PTPRD: variants seen among roughly 807,000 people sequenced by gnomAD.
The protein encoded by PTPRD is receptor-type tyrosine-protein phosphatase delta.
PTPRD carries 34 observed loss-of-function variants against 214.5 expected under a neutral mutation model. The ratio of observed to expected loss-of-function variants is 0.16; its 90% CI spans 0.12 to 0.21. The LOEUF (loss-of-function observed/expected upper bound fraction) is 0.21, where lower values mean the gene tolerates loss of function less well. Among genes scored for constraint, PTPRD ranks in the 10% least tolerant of loss-of-function variants. The pLI is 1.00. For missense variants in PTPRD, 2,545 were observed against 2,398.7 expected, an observed-to-expected ratio of 1.06 and a Z score of -1.27; for synonymous variants, 1,128 against 845.7, an observed-to-expected ratio of 1.33 and a Z score of -5.79.
intron 7 of PTPRD, among the ~76,000 whole-genome samples, chr9:9,626,824 C>A (rs10977885): frequency 0.18 from 27,885 of 152,122 alleles, 3,975 homozygotes; most frequent in African/African-American, 0.4. Flanking sequence ...AGACATTCTT[C>A]CTCCAAATCT....
chr9:9,408,713 C>T lies in PTPRD; in HGVS notation c.-236-11231G>A, dbSNP rs78853073. ...GTTTGAAAATCAATACTGCCATTTA[C>T]TAGTTTTAGATTTTGGGCTGTTTTT... On this transcript the variant is annotated intron_variant, in intron 8 of 45. Transcript: ENST00000381196. Among the ~76,000 whole-genome samples, 867 of 151,896 alleles carry T rather than the reference C, an allele frequency of 5.7e-3. 15 individuals are homozygous for T. The highest frequency in any genetic ancestry group is 0.02 in the African/African-American group (811 of 41,524).
At chr9:8,718,826 C>G (rs970179972) in intron 12 of PTPRD, among the ~76,000 whole-genome samples, 1 of 152,156 alleles carries the variant, frequency 6.6e-6, no homozygotes, top group African/African-American at 2.4e-5. Flanking sequence ...CCACCTCCCA[C>G]AAAAGCGTTT....
At chr9:9,703,069 G>A (rs1017930163) in intron 7 of PTPRD, among the ~76,000 whole-genome samples, 3 of 152,152 alleles carry the variant, frequency 2.0e-5, no homozygotes, top group African/African-American at 4.8e-5. Context: ...GTTGAGGGAA[G>A]AACTGATAAG....
intron 40 of PTPRD, among the ~76,000 whole-genome samples, 166 bp from the exon 41 acceptor site, chr9:8,341,434 T>C (rs926688244): frequency 6.6e-6 from 1 of 152,106 alleles, no homozygotes; most frequent in Non-Finnish European, 1.5e-5. Flanking sequence ...CTAATCACTC[T>C]CTATAGCCTA....
intron 2 of PTPRD, among the ~76,000 whole-genome samples, chr9:10,477,570 T>C (rs1368490559): frequency 6.6e-6 from 1 of 152,138 alleles, no homozygotes; most frequent in Non-Finnish European, 1.5e-5. Flanking sequence ...GAAGACAGTG[T>C]GGTGATTCTT....
At chr9:8,754,084 G>A (rs903843626) in intron 11 of PTPRD, among the ~76,000 whole-genome samples, 3 of 152,160 alleles carry the variant, frequency 2.0e-5, no homozygotes. Context: ...GGCAGAGGGT[G>A]CAGTGAGCTG....
At chr9:8,759,053 G>A (rs1490326128) in intron 11 of PTPRD, among the ~76,000 whole-genome samples, 2 of 148,726 alleles carry the variant, frequency 1.3e-5, no homozygotes, top group East Asian at 4.0e-4. Flanking sequence ...TTTAGAAAGA[G>A]AGCATCTCAC....
intron 7 of PTPRD, among the ~76,000 whole-genome samples, chr9:9,727,461 T>G (rs1022977680): frequency 6.6e-6 from 1 of 152,062 alleles, no homozygotes; most frequent in Non-Finnish European, 1.5e-5. Flanking sequence ...AAAATTAAAT[T>G]AAATGAAAAT....
chr9:10,005,335 G>T (rs976985387), intron 4 of PTPRD, among the ~76,000 whole-genome samples: 3 of 151,988 alleles, frequency 2.0e-5, no homozygotes, highest in South Asian at 2.1e-4. Flanking sequence ...TCTTTTCGAG[G>T]CCAACAGATA....
intron 2 of PTPRD, among the ~76,000 whole-genome samples, chr9:10,607,481 T>G (rs191276508): frequency 1.3e-5 from 2 of 151,994 alleles, no homozygotes; most frequent in East Asian, 3.9e-4. Flanking sequence ...AATGCTCACA[T>G]GCAAACACAA....
chr9:10,240,949 T>C (rs1389564881), intron 3 of PTPRD, among the ~76,000 whole-genome samples: 1 of 151,648 alleles, frequency 6.6e-6, no homozygotes, highest in Non-Finnish European at 1.5e-5. Context: ...GGAGAAGGCA[T>C]TTGTAAAACA....
intron 2 of PTPRD, among the ~76,000 whole-genome samples, chr9:10,507,422 T>G (rs1295051104): frequency 1.3e-5 from 2 of 152,138 alleles, no homozygotes; most frequent in African/African-American, 4.8e-5. Context: ...TACCAATGAC[T>G]TTCTTCACAG....
chr9:9,493,114 A>G (rs772741649), intron 8 of PTPRD, among the ~76,000 whole-genome samples: 6 of 151,810 alleles, frequency 4.0e-5, no homozygotes, highest in Non-Finnish European at 5.9e-5. Context: ...TTCATGTATC[A>G]GAATAATTTT....
chr9:9,896,675 G>C (rs2075066216), intron 5 of PTPRD, among the ~76,000 whole-genome samples: 1 of 151,974 alleles, frequency 6.6e-6, no homozygotes, highest in African/African-American at 2.4e-5. Context: ...GAAGCTAACT[G>C]ACTCATGGAT....
At chr9:8,324,291 T>C (rs1831377307) in intron 44 of PTPRD, among the ~76,000 whole-genome samples, 1 of 152,032 alleles carries the variant, frequency 6.6e-6, no homozygotes, top group East Asian at 1.9e-4. Flanking sequence ...TGATGTTCGC[T>C]TCCCTGCGTC....
intron 5 of PTPRD, among the ~76,000 whole-genome samples, chr9:9,774,499 T>G (rs749816927): frequency 6.6e-6 from 1 of 152,218 alleles, no homozygotes; most frequent in Non-Finnish European, 1.5e-5. Context: ...TCACTTGTCC[T>G]TACTAGGAAT....
rs545488105 is a variant in PTPRD, at chr9:9,928,755, T to TACACACACACACACAC, written c.-368+9751_-368+9752insGTGTGTGTGTGTGTGT. Among the ~76,000 whole-genome samples the TACACACACACACACAC allele has an allele frequency of 3.6e-3, 397 of 109,644 alleles. 4 individuals carry two copies. Among genetic ancestry groups the TACACACACACACACAC allele is most frequent in the African/African-American group, 0.014 (382 of 26,930 alleles). 71.9% of individuals were successfully genotyped at this position (109,644 alleles called of 152,430 possible). A position where few individuals can be genotyped will look rare whatever the true frequency, so the allele number is the denominator to read the frequency against. On this transcript the variant is annotated intron_variant, in intron 5 of 45. Transcript: ENST00000381196. Reference sequence around the variant, plus strand: ...ATACAGTAGCAGTCATCTCTCTCTCTATACACACACACACACACACACACA... The same window carrying TACACACACACACACAC: ...ATACAGTAGCAGTCATCTCTCTCTCTACACACACACACACACATACACACACACACACACACACACA...
At chr9:10,080,478 T>A (rs911843792) in intron 3 of PTPRD, among the ~76,000 whole-genome samples, 6 of 152,050 alleles carry the variant, frequency 3.9e-5, no homozygotes, top group African/African-American at 1.4e-4. Context: ...AGAAATGCAT[T>A]AGAAGAAACA....
At chr9:10,542,509 G>A (rs1210511023) in intron 2 of PTPRD, among the ~76,000 whole-genome samples, 1 of 151,938 alleles carries the variant, frequency 6.6e-6, no homozygotes, top group Admixed American at 6.6e-5. Flanking sequence ...GCTCATATCT[G>A]ATAAAATTAC....
Sources: gnomAD v4.1 joint callset for allele counts (sites outside exome capture counted in the v4.1 genomes callset) on GRCh38, gnomAD v4.1.1 for gene constraint, MANE v1.5 for transcripts, NCBI Gene and HGNC (gene_info 2026-07-23, HGNC 2026-07-21) for gene names.